Variants in BOK observed in about 807,000 individuals in gnomAD.
BOK encodes BCL2 family apoptosis regulator BOK.
BOK carries 20 observed loss-of-function variants against 18.3 expected under a neutral mutation model. That is an observed-to-expected ratio of 1.09 (90% confidence interval 0.77 to 1.59). The LOEUF (loss-of-function observed/expected upper bound fraction) is 1.59. Ranked by LOEUF, BOK falls within the 40% of genes most tolerant of loss-of-function variation. The pLI is 0.00. For missense variants in BOK, 348 were observed against 307.9 expected, an observed-to-expected ratio of 1.13 and a Z score of -0.97; for synonymous variants, 173 against 142.4, an observed-to-expected ratio of 1.21 and a Z score of -1.53.
At chr2:241,553,231 A>G (rs1249198650) in intron 1 of BOK, among the ~76,000 whole-genome samples, 2 of 152,078 alleles carry the variant, frequency 1.3e-5, no homozygotes, top group African/African-American at 4.8e-5. Flanking sequence ...GCTCACTGCA[A>G]CCTCCGCCTC....
chr2:241,564,000 G>A (rs1022618321), intron 3 of BOK, among the ~76,000 whole-genome samples: 1 of 152,200 alleles, frequency 6.6e-6, no homozygotes, highest in Non-Finnish European at 1.5e-5. Context: ...GGGACAGAGC[G>A]GGGCTGACAC....
Position 241,552,706 on chromosome 2 carries a change from C to A in BOK, n.54+1229C>A, listed in dbSNP as rs1394140668. Among the ~76,000 whole-genome samples, 3 of 152,338 alleles carry A rather than the reference C, an allele frequency of 2.0e-5. No individual in the cohort carries two copies. The East Asian group carries it at 5.8e-4, about 29-fold the overall frequency. ...CACATTCCACTTTTAAACGCTGACACCCATGACAAGCTCTTCCTCAACGGC... is the reference window on the plus strand; with the variant it reads ...CACATTCCACTTTTAAACGCTGACAACCATGACAAGCTCTTCCTCAACGGC... On this transcript the variant is annotated intron_variant and non_coding_transcript_variant, in intron 1 of 1. Coordinates refer to the BOK transcript ENST00000641230.
At chr2:241,556,293 A>T (rs1033847152), upstream of BOK, among the ~76,000 whole-genome samples, 1 of 152,226 alleles carries the variant, frequency 6.6e-6, no homozygotes, top group African/African-American at 2.4e-5. Flanking sequence ...TTAAGAATTC[A>T]GTCCTCCCAG....
At chr2:241,568,208 C>T (rs1273468887) in intron 3 of BOK, among the ~76,000 whole-genome samples, 1 of 152,166 alleles carries the variant, frequency 6.6e-6, no homozygotes, top group African/African-American at 2.4e-5. Flanking sequence ...GCAAGCTCCG[C>T]CTCCTGGGTT....
At chr2:241,569,529 C>T (rs535770713) in intron 3 of BOK, among the ~76,000 whole-genome samples, 4 of 152,226 alleles carry the variant, frequency 2.6e-5, no homozygotes, top group African/African-American at 7.2e-5. Flanking sequence ...TTATAATTTT[C>T]TTTTGTGAAT....
chr2:241,559,289 T>G (rs1035416693), intron 1 of BOK, among the ~76,000 whole-genome samples, 166 bp from the exon 2 acceptor site: 10 of 151,632 alleles, frequency 6.6e-5, no homozygotes, highest in Non-Finnish European at 1.5e-5. Context: ...GAATTCGGGC[T>G]CTGAAAGAAG....
intron 1 of BOK, among the ~76,000 whole-genome samples, chr2:241,553,023 C>T (rs977194618): frequency 6.6e-6 from 1 of 152,248 alleles, no homozygotes; most frequent in South Asian, 2.1e-4. Flanking sequence ...GAGGCCAGTC[C>T]AGAGTGAGGT....
chr2:241,572,496 C>A lies in BOK; in HGVS notation c.*74C>A. Reference sequence around the variant, plus strand: ...GGAGGCCCTCAGCACCCGAACACATCTTCCTCCTCCCCACCCGAGCCTGGA... The same window carrying A: ...GGAGGCCCTCAGCACCCGAACACATATTCCTCCTCCCCACCCGAGCCTGGA... On this transcript the variant is annotated 3_prime_UTR_variant, in exon 5 of 5. Transcript: ENST00000318407. 6 of 1,528,334 alleles carry A rather than the reference C, an allele frequency of 3.9e-6. No homozygotes were observed. Among genetic ancestry groups the A allele is most frequent in the Non-Finnish European group, 5.3e-6 (6 of 1,140,154 alleles). 94.7% of individuals were successfully genotyped at this position (1,528,334 alleles called of 1,614,324 possible).
chr2:241,572,325 C>A lies in BOK; in HGVS notation c.542C>A (p.Thr181Lys), dbSNP rs747915945. The change falls in exon 5 of 5, where the codon ACA becomes AAA. Residue 181 changes from threonine (T) to lysine (K), a missense_variant. Thr to Lys is a moderately conservative substitution (Grantham distance 78). Transcript: ENST00000318407. Reference sequence around the variant, plus strand: ...GATGTCCTCAAGTGTGTGGTCAGCACAGACCCTGGCCTCCGCTCCCACTGG... The same window carrying A: ...GATGTCCTCAAGTGTGTGGTCAGCAAAGACCCTGGCCTCCGCTCCCACTGG... ...WTDVLKCVVS[T>K]DPGLRSHWLV... 2 of 1,611,430 alleles carry A rather than the reference C, an allele frequency of 1.2e-6. No homozygotes were observed. Among genetic ancestry groups the A allele is most frequent in the Non-Finnish European group, 8.5e-7 (1 of 1,179,896 alleles).
intron 1 of BOK, among the ~76,000 whole-genome samples, chr2:241,552,944 T>A (rs1475440574): frequency 6.6e-6 from 1 of 152,110 alleles, no homozygotes; most frequent in Non-Finnish European, 1.5e-5. Flanking sequence ...TCCGGGCGGC[T>A]CGCCACACAA....
chr2:241,570,081 G>C, intron 3 of BOK, 44 bp from the exon 4 acceptor site: 4 of 1,586,150 alleles, frequency 2.5e-6, no homozygotes, highest in Non-Finnish European at 3.4e-6. Flanking sequence ...GTGCTCCCGT[G>C]GGCGGGATTC....
chr2:241,567,764 T>A (rs2066638449), intron 3 of BOK, among the ~76,000 whole-genome samples: 1 of 134,920 alleles, frequency 7.4e-6, no homozygotes. Context: ...TGGTCTGAGT[T>A]GTGTTTTTCC....
intron 3 of BOK, among the ~76,000 whole-genome samples, chr2:241,568,121 TTTTA>T (rs748602298): frequency 1.2e-4 from 19 of 152,164 alleles, no homozygotes; most frequent in African/African-American, 3.9e-4. Flanking sequence ...CCATGCCTTC[TTTTA>T]TTTATTTATT....
chr2:241,559,578 A>G lies in BOK; in HGVS notation c.95A>G (p.Lys32Arg). The G allele has an allele frequency of 6.6e-7, 1 of 1,522,064 alleles. No individual in the cohort carries two copies. The highest frequency in any genetic ancestry group is 8.7e-7 in the Non-Finnish European group (1 of 1,144,012). 94.3% of individuals were successfully genotyped at this position (1,522,064 alleles called of 1,614,324 possible). ...GACAAGGAGCTGGTGGCCCAGGCCA[A>G]GGCGCTGGGCCGGGAGTACGTGCAC... ...PTDKELVAQA[K>R]ALGREYVHAR... The change falls in exon 2 of 5, where the codon AAG becomes AGG. Residue 32 changes from lysine (K) to arginine (R), a missense_variant. Lys to Arg is a conservative substitution (Grantham distance 26). Coordinates refer to ENST00000318407, the MANE Select transcript of BOK (RefSeq NM_032515.5).
chr2:241,565,211 GT>G (rs1207251205), intron 3 of BOK, among the ~76,000 whole-genome samples: 7 of 149,316 alleles, frequency 4.7e-5, no homozygotes, highest in Non-Finnish European at 7.4e-5. Context: ...CCCCAGGCTT[GT>G]CCCACGCAGG....
upstream of BOK, among the ~76,000 whole-genome samples, chr2:241,558,469 G>A (rs995368436): frequency 1.3e-5 from 2 of 152,202 alleles, no homozygotes; most frequent in Non-Finnish European, 2.9e-5. Context: ...GCATGCGTCC[G>A]GACCAAGAAC....
chr2:241,556,583 A>AG (rs2066452269), upstream of BOK, among the ~76,000 whole-genome samples: 2 of 143,604 alleles, frequency 1.4e-5, no homozygotes, highest in Admixed American at 1.4e-4. Flanking sequence ...CTCCGTCTCA[A>AG]AAAAAAAAAA....
chr2:241,571,384 C>T (rs1291600973), intron 4 of BOK, among the ~76,000 whole-genome samples: 13 of 148,192 alleles, frequency 8.8e-5, no homozygotes, highest in South Asian at 6.4e-4. Flanking sequence ...TCCTGTACAG[C>T]GGGTGTTGGC....
chr2:241,559,404 C>T (rs893168949), intron 1 of BOK, 51 bp from the exon 2 acceptor site: 2 of 1,202,092 alleles, frequency 1.7e-6, no homozygotes, highest in African/African-American at 1.6e-5. Context: ...CCCCGCGCGC[C>T]CCGTTCCCCG....
Sources: allele counts gnomAD v4.1 joint callset (sites outside exome capture counted in the v4.1 genomes callset), GRCh38; gene constraint gnomAD v4.1.1; transcripts MANE v1.5; gene names NCBI Gene and HGNC (gene_info 2026-07-23, HGNC 2026-07-21).